The following AP3B1 variants were observed in gnomAD, a reference collection of about 807,000 sequenced individuals.
AP3B1 encodes AP-3 complex subunit beta-1.
In AP3B1, 61 loss-of-function variants were observed where a neutral mutation model predicts 132.5. The observed-to-expected ratio is 0.46, with a 90% CI of 0.37 to 0.57. The LOEUF is 0.57. AP3B1 is among the 20% of genes least tolerant of loss of function. AP3B1 has a pLI of 0.00. For missense variants in AP3B1, 1,120 were observed against 1,289.4 expected (o/e 0.87, Z 2.01); for synonymous variants, 388 against 438.3 (o/e 0.89, Z 1.43).
At chr5:78,216,500 C>G (rs540143883) in intron 6 of AP3B1, among the ~76,000 whole-genome samples, 6 of 152,086 alleles carry the variant, frequency 3.9e-5, no homozygotes, top group Non-Finnish European at 5.9e-5. Context: ...GGTTAAATTT[C>G]AACACATTGT....
intron 2 of AP3B1, among the ~76,000 whole-genome samples, chr5:78,253,161 G>C (rs1192948708): frequency 6.6e-6 from 1 of 152,228 alleles, no homozygotes; most frequent in Non-Finnish European, 1.5e-5. Context: ...AAGAACCACA[G>C]TGTTACTGAG....
intron 2 of AP3B1, 62 bp downstream of exon 2, chr5:78,267,458 T>TAA: frequency 6.1e-6 from 5 of 818,754 alleles, no homozygotes; most frequent in East Asian, 5.5e-5. Context: ...TATATATATA[T>TAA]AATAATATGA....
chr5:78,098,770 T>C (rs1334334784), intron 21 of AP3B1, among the ~76,000 whole-genome samples: 1 of 152,232 alleles, frequency 6.6e-6, no homozygotes, highest in African/African-American at 2.4e-5. Flanking sequence ...GGAGCCACTC[T>C]GTACACTAGG....
At chr5:78,098,392 C>G (rs1036329489) in intron 21 of AP3B1, among the ~76,000 whole-genome samples, 10 of 150,972 alleles carry the variant, frequency 6.6e-5, no homozygotes, top group Non-Finnish European at 1.0e-4. Context: ...ATAGGTTTTT[C>G]TTTTTTTACC....
intron 2 of AP3B1, among the ~76,000 whole-genome samples, chr5:78,258,962 G>A (rs147483220): frequency 2.6e-5 from 4 of 152,196 alleles, no homozygotes; most frequent in Admixed American, 6.5e-5. Flanking sequence ...ATCTGGCCGG[G>A]CACGGTGGCT....
At chr5:78,286,706 C>A (rs1749296465) in intron 1 of AP3B1, among the ~76,000 whole-genome samples, 1 of 152,212 alleles carries the variant, frequency 6.6e-6, no homozygotes, top group Non-Finnish European at 1.5e-5. Flanking sequence ...CATGCCAACT[C>A]ACTCAGCTGA....
chr5:78,192,423 C>A (rs1580467193), intron 7 of AP3B1, among the ~76,000 whole-genome samples: 1 of 151,776 alleles, frequency 6.6e-6, no homozygotes, highest in African/African-American at 2.4e-5. Context: ...GAGTGGATCA[C>A]CCGAGGTCAG....
chr5:78,145,929 T>C (rs2112336208), intron 14 of AP3B1, among the ~76,000 whole-genome samples: 1 of 152,326 alleles, frequency 6.6e-6, no homozygotes, highest in South Asian at 2.1e-4. Context: ...GCTCAGGCAC[T>C]GAAGGAAAAC....
intron 26 of AP3B1, chr5:78,003,357 G>A (rs1746261752): frequency 4.4e-6 from 1 of 229,274 alleles, no homozygotes; most frequent in African/African-American, 2.3e-5. Context: ...CAATATATTT[G>A]AGAACCATTC....
intron 17 of AP3B1, among the ~76,000 whole-genome samples, chr5:78,117,635 T>C (rs1751915797): frequency 6.6e-6 from 1 of 152,166 alleles, no homozygotes; most frequent in African/African-American, 2.4e-5. Context: ...TAAGTGTGGC[T>C]GACACAATAA....
intron 2 of AP3B1, among the ~76,000 whole-genome samples, chr5:78,249,191 T>C (rs1222154772): frequency 6.6e-6 from 1 of 151,680 alleles, no homozygotes; most frequent in Non-Finnish European, 1.5e-5. Context: ...CCCATCTCTA[T>C]TAAAAATACA....
intron 13 of AP3B1, among the ~76,000 whole-genome samples, chr5:78,159,451 G>A (rs1401735525): frequency 6.6e-6 from 1 of 152,136 alleles, no homozygotes; most frequent in Non-Finnish European, 1.5e-5. Context: ...GCTCTCAACA[G>A]GGCTGCGTTC....
At chr5:78,221,129 G>A (rs1204190506) in intron 6 of AP3B1, among the ~76,000 whole-genome samples, 1 of 152,022 alleles carries the variant, frequency 6.6e-6, no homozygotes, top group African/African-American at 2.4e-5. Context: ...GACATATACT[G>A]GTCCTATGCA....
intron 7 of AP3B1, among the ~76,000 whole-genome samples, chr5:78,209,227 G>A (rs1296325282): frequency 6.6e-6 from 1 of 152,084 alleles, no homozygotes; most frequent in Admixed American, 6.6e-5. Flanking sequence ...GGGTGGGTCA[G>A]ACATGCCTCA....
intron 7 of AP3B1, among the ~76,000 whole-genome samples, chr5:78,184,767 T>C (rs1178602352): frequency 1.3e-5 from 2 of 151,252 alleles, no homozygotes; most frequent in Non-Finnish European, 2.9e-5. Context: ...TAATCAATCC[T>C]GGAAGGAGAA....
intron 2 of AP3B1, among the ~76,000 whole-genome samples, chr5:78,263,727 C>A (rs1748199015): frequency 6.6e-6 from 1 of 152,156 alleles, no homozygotes; most frequent in South Asian, 2.1e-4. Context: ...TTTGTCAAAT[C>A]TTTCTCCGAA....
In AP3B1 at chr5:78,039,112, T is replaced by C. The variant is rs1747938742; in HGVS notation, c.2740A>G (p.Ile914Val). 2 of 1,613,544 alleles carry C rather than the reference T, an allele frequency of 1.2e-6. No individual in the cohort carries two copies. The highest frequency in any genetic ancestry group is 3.3e-5 in the Admixed American group (2 of 59,982). ...TTTTCCCCTATGTGGATATTTTCTA[T>C]CTTTCGATCAGTAGTGTTATTCAGT... ...ITLNNTTDRKIENIHIGEKKL... is the reference protein window; with the variant it reads ...ITLNNTTDRKVENIHIGEKKL... The change falls in exon 23 of 27, where the codon ATA (isoleucine) becomes GTA (valine). Residue 914 changes from isoleucine to valine, a missense_variant. By Grantham distance (29) the Ile-to-Val change is conservative. Around this residue, in one of 3 missense-constraint regions of AP3B1, gnomAD observed 906 missense variants for 997.1 expected, o/e 0.91. Transcript: ENST00000255194.
chr5:78,134,602 G>A (rs1978427), intron 15 of AP3B1, among the ~76,000 whole-genome samples: 40,485 of 152,022 alleles, frequency 0.27, 6,079 homozygotes, highest in African/African-American at 0.4. Context: ...GTGCAATGGC[G>A]CGATCTCAGC....
intron 22 of AP3B1, among the ~76,000 whole-genome samples, chr5:78,064,633 T>C (rs944309991): frequency 2.6e-5 from 4 of 152,036 alleles, no homozygotes; most frequent in African/African-American, 7.2e-5. Context: ...ATCTGCTCTA[T>C]TGACAGAAAA....
Sources: allele counts gnomAD v4.1 joint callset (sites outside exome capture counted in the v4.1 genomes callset), GRCh38; gene constraint gnomAD v4.1.1; regional missense constraint gnomAD v4.1.1; transcripts MANE v1.5; gene names NCBI Gene and HGNC (gene_info 2026-07-23, HGNC 2026-07-21).